Variants in MACC1 observed in about 807,000 individuals in gnomAD.
MACC1 encodes MET transcriptional regulator MACC1.
MACC1 carries 79 observed loss-of-function variants against 70.7 expected under a neutral mutation model. That is an observed-to-expected ratio of 1.12 (90% CI 0.93 to 1.35). The LOEUF (loss-of-function observed/expected upper bound fraction) is 1.35. Among genes scored for constraint, MACC1 ranks in the 40% most tolerant of loss-of-function variants. The pLI is 0.00. For synonymous variants in MACC1, 361 were observed against 347.2 expected (o/e 1.04, Z -0.44); for missense variants, 1,106 against 978.1 (o/e 1.13, Z -1.74).
chr7:20,159,171 G>A lies in MACC1; in HGVS notation c.1190C>T (p.Pro397Leu), dbSNP rs1400383173. ...AATATCAGAAATTGTAAGCTGTCCTGGCATATAATTGTGTCCACAAACTGT... is the reference window on the plus strand; with the variant it reads ...AATATCAGAAATTGTAAGCTGTCCTAGCATATAATTGTGTCCACAAACTGT... ...VLTVCGHNYM[P>L]GQLTISDIKK... Residue 397 changes from proline (P) to leucine (L), a missense_variant, in exon 5 of 7, where the codon CCA becomes CTA. Pro to Leu is a moderately conservative substitution (Grantham distance 98). Coordinates refer to ENST00000400331, the MANE Select transcript of MACC1 (RefSeq NM_182762.4). 1.2e-6 allele frequency: 2 copies of A among 1,614,010 alleles called. No homozygotes were observed. Among genetic ancestry groups the A allele is most frequent in the Admixed American group, 1.7e-5 (1 of 59,974 alleles).
intron 6 of MACC1, chr7:20,150,602 C>A (rs983705155): frequency 2.0e-5 from 3 of 152,024 alleles, no homozygotes; most frequent in East Asian, 3.9e-4. Context: ...GAGTAATTTC[C>A]GAGACGAAAA....
chr7:20,148,388 A>T (rs1320668777), intron 6 of MACC1, among the ~76,000 whole-genome samples: 1 of 152,194 alleles, frequency 6.6e-6, no homozygotes, highest in Non-Finnish European at 1.5e-5. Context: ...ACTTTATTTC[A>T]TTATTAAGCA....
At position 20,163,166 on chromosome 7, in the gene MACC1, T is replaced by C. The variant is rs146004223; in HGVS notation, c.-9+1090A>G. On this transcript the variant is annotated intron_variant, in intron 3 of 6. Transcript: ENST00000400331. ...ATGGAAACACAATGGCCCCTAGATA[T>C]ATGGAAATATGATCAATCTCATTGG... is the stretch of plus-strand genomic sequence containing the variant. 2.6e-3 allele frequency among the ~76,000 whole-genome samples: 398 copies of C among 152,216 alleles called. 18 individuals carry two copies. The East Asian group carries it at 0.063, about 24-fold the overall frequency.
intron 1 of MACC1, among the ~76,000 whole-genome samples, chr7:20,196,339 C>T (rs1392972752): frequency 6.6e-6 from 1 of 152,034 alleles, no homozygotes; most frequent in Non-Finnish European, 1.5e-5. Context: ...CGCCACCACG[C>T]CCGGCTAATT....
chr7:20,184,603 A>G (rs1782557665), intron 1 of MACC1, among the ~76,000 whole-genome samples: 1 of 152,250 alleles, frequency 6.6e-6, no homozygotes, highest in African/African-American at 2.4e-5. Flanking sequence ...TACTCATGCT[A>G]TTTCTTGGGT....
At chr7:20,184,106 C>T (rs1176526623) in intron 1 of MACC1, among the ~76,000 whole-genome samples, 1 of 152,106 alleles carries the variant, frequency 6.6e-6, no homozygotes, top group East Asian at 1.9e-4. Flanking sequence ...TAGTCATTTG[C>T]TCTCAACTCT....
chr7:20,214,536 T>C (rs978941109), intron 1 of MACC1, among the ~76,000 whole-genome samples: 1 of 152,156 alleles, frequency 6.6e-6, no homozygotes, highest in African/African-American at 2.4e-5. Context: ...TAATGTCTAT[T>C]AGTACCATAA....
chr7:20,162,354 G>A (rs1293724433), intron 3 of MACC1, among the ~76,000 whole-genome samples: 1 of 152,004 alleles, frequency 6.6e-6, no homozygotes, highest in Non-Finnish European at 1.5e-5. Flanking sequence ...ATTTCTCAAT[G>A]GATAAAATTG....
At chr7:20,153,928 T>G (rs951655477) in intron 6 of MACC1, among the ~76,000 whole-genome samples, 1 of 152,188 alleles carries the variant, frequency 6.6e-6, no homozygotes, top group Non-Finnish European at 1.5e-5. Context: ...CTGGCCCAAT[T>G]TGATCAATTA....
chr7:20,178,859 C>G (rs1182051268), intron 1 of MACC1, among the ~76,000 whole-genome samples: 1 of 152,180 alleles, frequency 6.6e-6, no homozygotes, highest in Non-Finnish European at 1.5e-5. Context: ...CTTGGCCTCC[C>G]AAAGTGTTGG....
rs545736036 is a variant in MACC1, at chr7:20,162,161, C to A, written c.-8-291G>T. On this transcript the variant is annotated intron_variant, in intron 3 of 6. Transcript: ENST00000400331. ...ATTCCAAGGACAACAACAACAACAA[C>A]AAAAAAGTAAGTTGAAAACTAAGTA... Among the ~76,000 whole-genome samples the A allele has an allele frequency of 5.9e-4, 90 of 152,050 alleles. 1 individual carries two copies. The highest frequency in any genetic ancestry group is 1.8e-3 in the African/African-American group (74 of 41,508).
intron 5 of MACC1, among the ~76,000 whole-genome samples, chr7:20,157,488 T>TA (rs1261291832): frequency 3.3e-5 from 5 of 150,870 alleles, no homozygotes; most frequent in African/African-American, 4.9e-5. Context: ...GGTAATACAT[T>TA]AAAAAAAAGA....
At position 20,160,102 on chromosome 7, in the gene MACC1, T is replaced by A. The variant is rs1275382112; in HGVS notation, c.259A>T (p.Asn87Tyr). The change falls in exon 5 of 7, where the codon AAC becomes TAC. Residue 87 changes from asparagine to tyrosine, a missense_variant. Transcript: ENST00000400331. ...FLDDITQLRN[N>Y]RKRNNISILK... Reference sequence around the variant, plus strand: ...ATGGAAATATTATTTCTCTTCCTGTTATTTCTTAGTTGAGTTATGTCATCC... The same window carrying A: ...ATGGAAATATTATTTCTCTTCCTGTAATTTCTTAGTTGAGTTATGTCATCC... 10 of 1,612,922 alleles carry A rather than the reference T, an allele frequency of 6.2e-6. No homozygotes were observed. The highest frequency in any genetic ancestry group is 1.7e-5 in the Admixed American group (1 of 59,764).
intron 1 of MACC1, among the ~76,000 whole-genome samples, chr7:20,189,289 T>C (rs959624941): frequency 6.6e-6 from 1 of 152,244 alleles, no homozygotes; most frequent in Non-Finnish European, 1.5e-5. Flanking sequence ...TTTTATGTCC[T>C]ATCTCACCAT....
In MACC1 at chr7:20,138,145, T is replaced by G. The variant is rs1416382393; in HGVS notation, c.*2801A>C. 1 of 92,976 alleles carries G rather than the reference T, an allele frequency of 1.1e-5. No homozygotes were observed. The highest frequency in any genetic ancestry group is 1.9e-5 in the Non-Finnish European group (1 of 53,440). 5.8% of individuals were successfully genotyped at this position (92,976 alleles called of 1,614,324 possible). A position where few individuals can be genotyped will look rare whatever the true frequency, so the allele number is the denominator to read the frequency against. ...TCCAGTCTGGGCAACAGAGCCAGAC[T>G]CTGGCTCAAAAAAAAAAAAAAAAAA... On this transcript the variant is annotated 3_prime_UTR_variant, in exon 7 of 7. Transcript: ENST00000400331.
chr7:20,188,038 T>A (rs1186043012), intron 1 of MACC1, among the ~76,000 whole-genome samples: 1 of 152,112 alleles, frequency 6.6e-6, no homozygotes, highest in Non-Finnish European at 1.5e-5. Context: ...ATCCTTCACA[T>A]GATAGCAGTA....
chr7:20,216,801 C>T (rs1257574802), intron 1 of MACC1, among the ~76,000 whole-genome samples: 1 of 151,970 alleles, frequency 6.6e-6, no homozygotes, highest in Non-Finnish European at 1.5e-5. Context: ...AGGTTATGCA[C>T]ACACACTTTA....
At chr7:20,177,881 C>G (rs1393412531) in intron 1 of MACC1, among the ~76,000 whole-genome samples, 1 of 152,030 alleles carries the variant, frequency 6.6e-6, no homozygotes, top group Admixed American at 6.6e-5. Context: ...CTTTTTTAAA[C>G]AATTCACACT....
In MACC1 at chr7:20,161,331, C is replaced by T. The variant is rs538021540; in HGVS notation, c.115+417G>A. ...GTGTTATATGCTAAAAATTAGAAGACGGATTTTGAAAAATAAAGGTGGCAT... is the reference window on the plus strand; with the variant it reads ...GTGTTATATGCTAAAAATTAGAAGATGGATTTTGAAAAATAAAGGTGGCAT... On this transcript the variant is annotated intron_variant, in intron 4 of 6. Coordinates refer to ENST00000400331, the MANE Select transcript of MACC1 (RefSeq NM_182762.4). 7.9e-5 allele frequency among the ~76,000 whole-genome samples: 12 copies of T among 152,064 alleles called. No homozygotes were observed. In the East Asian group the frequency reaches 1.3e-3, roughly 17 times the overall value.
Sources: allele counts gnomAD v4.1 joint callset (sites outside exome capture counted in the v4.1 genomes callset), GRCh38; gene constraint gnomAD v4.1.1; transcripts MANE v1.5; gene names NCBI Gene and HGNC (gene_info 2026-07-23, HGNC 2026-07-21).